Variants in ARMC2 observed in about 807,000 individuals in gnomAD.
The protein encoded by ARMC2 is armadillo repeat containing 2, also known as armadillo repeat-containing protein 2.
In ARMC2, 67 loss-of-function variants were observed where a neutral mutation model predicts 90.3. The ratio of observed to expected loss-of-function variants is 0.74; its 90% CI spans 0.61 to 0.91. The LOEUF is 0.91. Ranked by LOEUF, ARMC2 falls within the 40% of genes least tolerant of loss-of-function variation. The probability of loss-of-function intolerance (pLI) is 0.00; values close to 1 mark genes in which losing one functional copy is unlikely to be tolerated. For synonymous variants in ARMC2, 393 were observed against 393.0 expected (o/e 1.00, Z 0.00); for missense variants, 920 against 1,030.9 (o/e 0.89, Z 1.47).
chr6:108,887,698 A>G, intron 5 of ARMC2, among the ~76,000 whole-genome samples: 1 of 152,262 alleles, frequency 6.6e-6, no homozygotes, highest in East Asian at 1.9e-4. Flanking sequence ...AGAACAAAAC[A>G]GTGCCAATCT....
intron 5 of ARMC2, chr6:108,880,119 CA>C: frequency 2.7e-6 from 1 of 366,324 alleles, no homozygotes. Context: ...ATCAATGAAA[CA>C]ACAACAAAAA....
At position 108,973,721 on chromosome 6, in the gene ARMC2, T is replaced by C. The variant is rs139372731; in HGVS notation, c.*207T>C. ...AAATGAATATACACATTATATTTCC[T>C]GTTGAGAGAAATGTAAGATGAAAAT... On this transcript the variant is annotated 3_prime_UTR_variant, in exon 18 of 18. Coordinates refer to ENST00000392644, the MANE Select transcript of ARMC2 (RefSeq NM_032131.6). The C allele has an allele frequency of 1.8e-3, 742 of 414,998 alleles. 1 individual carries two copies. Among genetic ancestry groups the C allele is most frequent in the Middle Eastern group, 0.017 (27 of 1,608 alleles). The allele number at this position is 414,998 out of a possible 1,614,324, so 25.7% of individuals were successfully genotyped here. A position where few individuals can be genotyped will look rare whatever the true frequency, so the allele number is the denominator to read the frequency against.
chr6:109,023,249 A>G, the ARMC2 span, among the ~76,000 whole-genome samples: 2 of 152,168 alleles, frequency 1.3e-5, no homozygotes, highest in Non-Finnish European at 2.9e-5. Flanking sequence ...AACTTTATAC[A>G]TTTCTCCCTG....
Position 108,973,649 on chromosome 6 carries a change from A to G in ARMC2, c.*135A>G. The G allele has an allele frequency of 1.2e-6, 1 of 823,044 alleles. No individual in the cohort carries two copies. The allele number at this position is 823,044 out of a possible 1,614,324, so 51.0% of individuals were successfully genotyped here. On this transcript the variant is annotated 3_prime_UTR_variant, in exon 18 of 18. Transcript: ENST00000392644. Reference sequence around the variant, plus strand: ...AAGAACTGGTTTTAGTGAGTAGCTGAAGTATTTTTTAAAATTAAGCATTTC... The same window carrying G: ...AAGAACTGGTTTTAGTGAGTAGCTGGAGTATTTTTTAAAATTAAGCATTTC...
chr6:108,922,765 T>C (rs934823876), intron 10 of ARMC2, among the ~76,000 whole-genome samples: 5 of 152,188 alleles, frequency 3.3e-5, no homozygotes, highest in African/African-American at 9.7e-5. Context: ...GTGGTACCTG[T>C]TATGATCAAA....
the ARMC2 span, among the ~76,000 whole-genome samples, chr6:108,984,253 G>A: frequency 0.1 from 15,341 of 152,242 alleles, 913 homozygotes; most frequent in Middle Eastern, 0.19. Context: ...TTTTCAATGT[G>A]TAAGTCTTTT....
At chr6:109,001,503 A>G in the ARMC2 span, 1 of 1,554,218 alleles carries the variant, frequency 6.4e-7, no homozygotes, top group Non-Finnish European at 8.9e-7. Context: ...ATAAATGAGA[A>G]AAACCATGGT....
At chr6:108,996,189 C>T in the ARMC2 span, among the ~76,000 whole-genome samples, 4 of 152,308 alleles carry the variant, frequency 2.6e-5, no homozygotes, top group South Asian at 8.3e-4. Flanking sequence ...TGGAGAATGA[C>T]TCTCAGGATA....
chr6:109,035,548 G>GA, the ARMC2 span, among the ~76,000 whole-genome samples: 15,081 of 144,290 alleles, frequency 0.1, 891 homozygotes, highest in Middle Eastern at 0.19. Context: ...CCGGCAGAGG[G>GA]AAAAAAAAAA....
At chr6:108,998,601 G>A in the ARMC2 span, 8 of 1,613,948 alleles carry the variant, frequency 5.0e-6, no homozygotes, top group Non-Finnish European at 6.8e-6. Context: ...GCTAACAGAA[G>A]GAGGTCTGAA....
intron 10 of ARMC2, among the ~76,000 whole-genome samples, chr6:108,924,559 C>T (rs1223944585): frequency 2.6e-5 from 4 of 151,914 alleles, no homozygotes; most frequent in Admixed American, 6.6e-5. Flanking sequence ...ATCGAGGGCA[C>T]TCTGGGCGGA....
intron 1 of ARMC2, among the ~76,000 whole-genome samples, chr6:108,850,667 A>G (rs986576867): frequency 6.6e-6 from 1 of 152,260 alleles, no homozygotes; most frequent in African/African-American, 2.4e-5. Context: ...ACTGTAACAA[A>G]TATCTCCAGT....
chr6:109,051,333 CA>C, the ARMC2 span, among the ~76,000 whole-genome samples: 2 of 151,828 alleles, frequency 1.3e-5, no homozygotes, highest in African/African-American at 4.8e-5. Context: ...CTGAGTCAGA[CA>C]ATAATGGTGC....
At chr6:109,009,310 C>T in the ARMC2 span, 1 of 1,425,522 alleles carries the variant, frequency 7.0e-7, no homozygotes, top group Non-Finnish European at 9.2e-7. Flanking sequence ...CGGCCGGGTG[C>T]CCACCCGCCC....
the ARMC2 span, among the ~76,000 whole-genome samples, chr6:109,024,387 A>C: frequency 6.6e-6 from 1 of 152,220 alleles, no homozygotes; most frequent in African/African-American, 2.4e-5. Context: ...AGCAGAAATA[A>C]GAACTTGGAT....
At chr6:108,883,835 C>G (rs565955561) in intron 5 of ARMC2, among the ~76,000 whole-genome samples, 1 of 152,198 alleles carries the variant, frequency 6.6e-6, no homozygotes, top group South Asian at 2.1e-4. Flanking sequence ...CATTTACCTG[C>G]CCTCCCTCCT....
At chr6:108,935,561 C>G (rs950697939) in intron 11 of ARMC2, among the ~76,000 whole-genome samples, 5 of 152,284 alleles carry the variant, frequency 3.3e-5, no homozygotes, top group Middle Eastern at 3.4e-3. Flanking sequence ...CCTGCCTCAA[C>G]CTGCAGAGTA....
At chr6:108,939,432 G>A (rs184520372) in intron 12 of ARMC2, among the ~76,000 whole-genome samples, 1 of 152,198 alleles carries the variant, frequency 6.6e-6, no homozygotes, top group East Asian at 1.9e-4. Context: ...TAGTGAGTGA[G>A]TTTTCTTGAG....
At chr6:108,854,627 G>A in intron 2 of ARMC2, 142 bp downstream of exon 2, 1 of 789,358 alleles carries the variant, frequency 1.3e-6, no homozygotes, top group Non-Finnish European at 2.0e-6. Flanking sequence ...TGAGTGGAAG[G>A]TACAGAGATT....
Sources: gnomAD v4.1 joint callset for allele counts (sites outside exome capture counted in the v4.1 genomes callset) on GRCh38, gnomAD v4.1.1 for gene constraint, MANE v1.5 for transcripts, NCBI Gene and HGNC (gene_info 2026-07-23, HGNC 2026-07-21) for gene names.